ZNF280D: variants seen among roughly 807,000 people sequenced by gnomAD.
The protein encoded by ZNF280D is suppressor of hairy wing homolog 4.
Under a neutral mutation model 94.7 loss-of-function variants are expected in ZNF280D, and 39 were observed. That is an observed-to-expected ratio of 0.41 (90% confidence interval 0.32 to 0.54). The LOEUF (loss-of-function observed/expected upper bound fraction) is 0.54, where lower values mean the gene tolerates loss of function less well. Among genes scored for constraint, ZNF280D ranks in the 20% least tolerant of loss-of-function variants. ZNF280D has a pLI of 0.22. For missense variants in ZNF280D, 1,090 were observed against 1,149.3 expected, an observed-to-expected ratio of 0.95 and a Z score of 0.75; for synonymous variants, 398 against 377.6, an observed-to-expected ratio of 1.05 and a Z score of -0.63.
chr15:56,643,836 TA>T (rs1271796335), intron 19 of ZNF280D, among the ~76,000 whole-genome samples: 8 of 151,874 alleles, frequency 5.3e-5, no homozygotes, highest in Non-Finnish European at 8.9e-5. Flanking sequence ...TTAATAGCTA[TA>T]CCTAAGGAAT....
At chr15:56,642,881 A>C in intron 20 of ZNF280D, 71 bp downstream of exon 20, 1 of 1,198,106 alleles carries the variant, frequency 8.3e-7, no homozygotes. Context: ...AATTGAAAAA[A>C]AATTTTATAT....
intron 1 of ZNF280D, among the ~76,000 whole-genome samples, chr15:56,727,257 C>T (rs751583900): frequency 1.2e-4 from 18 of 150,956 alleles, no homozygotes; most frequent in Non-Finnish European, 2.1e-4. Flanking sequence ...GTCAGGAGTT[C>T]GAGACCAGCC....
intron 1 of ZNF280D, among the ~76,000 whole-genome samples, chr15:56,726,274 G>C (rs1456142343): frequency 6.6e-6 from 1 of 151,842 alleles, no homozygotes; most frequent in Non-Finnish European, 1.5e-5. Context: ...GTATTGGAGA[G>C]GGGTGGAACT....
chr15:56,687,177 A>T (rs1266769655), intron 9 of ZNF280D, among the ~76,000 whole-genome samples: 3 of 152,136 alleles, frequency 2.0e-5, no homozygotes, highest in Non-Finnish European at 4.4e-5. Context: ...TATGATATAA[A>T]CACATACACT....
At chr15:56,653,509 G>C in intron 19 of ZNF280D, 2 of 1,518,368 alleles carry the variant, frequency 1.3e-6, no homozygotes, top group Non-Finnish European at 1.8e-6. Flanking sequence ...TCCTTGGAAA[G>C]AGAGAACAGG....
intron 1 of ZNF280D, among the ~76,000 whole-genome samples, chr15:56,708,364 T>C (rs1300289145): frequency 6.6e-6 from 1 of 152,192 alleles, no homozygotes; most frequent in Non-Finnish European, 1.5e-5. Flanking sequence ...AACTCAATTT[T>C]TGAATAGCTG....
chr15:56,724,767 A>G (rs954224392), intron 1 of ZNF280D: 2 of 316,616 alleles, frequency 6.3e-6, no homozygotes, highest in Non-Finnish European at 1.3e-5. Context: ...GAATAGAAAG[A>G]CATCTGTTGT....
chr15:56,727,459 CAA>C (rs2058682104), intron 1 of ZNF280D, among the ~76,000 whole-genome samples: 1 of 151,494 alleles, frequency 6.6e-6, no homozygotes, highest in Non-Finnish European at 1.5e-5. Context: ...GACACGGTCT[CAA>C]AAAGAAAAAA....
intron 16 of ZNF280D, among the ~76,000 whole-genome samples, chr15:56,663,219 G>C (rs1348433135): frequency 1.3e-5 from 2 of 149,510 alleles, no homozygotes; most frequent in Non-Finnish European, 3.0e-5. Flanking sequence ...AGAAGGTTGA[G>C]GCTGTAGTGA....
At chr15:56,641,455 CTTTAA>C (rs771833002) in intron 20 of ZNF280D, among the ~76,000 whole-genome samples, 7 of 151,920 alleles carry the variant, frequency 4.6e-5, no homozygotes, top group Admixed American at 2.0e-4. Context: ...TGATAATCAT[CTTTAA>C]TTTGTGTGCA....
chr15:56,688,181 T>C (rs2056160832), intron 9 of ZNF280D, among the ~76,000 whole-genome samples: 1 of 152,062 alleles, frequency 6.6e-6, no homozygotes, highest in Admixed American at 6.6e-5. Flanking sequence ...ACTTTGAACA[T>C]TTCTTAAAAC....
chr15:56,726,212 T>TA (rs34490275), intron 1 of ZNF280D, among the ~76,000 whole-genome samples: 78,867 of 147,686 alleles, frequency 0.53, 21,165 homozygotes, highest in East Asian at 0.61. Flanking sequence ...TACAACAGGC[T>TA]AAAAAAAAAA....
Position 56,682,486 on chromosome 15 carries a change from GAA to G in ZNF280D, c.781-11_781-10del, listed in dbSNP as rs760502258. ...ATGTCTGGACAACAATACTGAAAGA[GAA>G]AAAAAAAAAAAAAAAACAAGCCTTA... is the stretch of plus-strand genomic sequence containing the variant. On this transcript the variant is annotated splice_polypyrimidine_tract_variant and intron_variant, in intron 9 of 21. Transcript: ENST00000267807. The G allele has an allele frequency of 0.016, 8,065 of 494,888 alleles. No homozygotes were observed. The highest frequency in any genetic ancestry group is 0.019 in the East Asian group (414 of 21,758). 30.7% of individuals were successfully genotyped at this position (494,888 alleles called of 1,614,324 possible). A position where few individuals can be genotyped will look rare whatever the true frequency, so the allele number is the denominator to read the frequency against.
Position 56,704,116 on chromosome 15 carries a change from C to T in ZNF280D, c.175+5G>A. On this transcript the variant is annotated splice_donor_5th_base_variant and intron_variant, in intron 4 of 21. Transcript: ENST00000267807. ...AGCTTGGTTTCACTAAAAGTAAATG[C>T]TTACTTGAAATTGCTGGTTTTGAAC... The T allele has an allele frequency of 6.2e-7, 1 of 1,613,156 alleles. No homozygotes were observed. Among genetic ancestry groups the T allele is most frequent in the Non-Finnish European group, 8.5e-7 (1 of 1,179,738 alleles).
chr15:56,683,162 T>A (rs2055752037), intron 9 of ZNF280D, among the ~76,000 whole-genome samples: 1 of 152,138 alleles, frequency 6.6e-6, no homozygotes, highest in Non-Finnish European at 1.5e-5. Context: ...ACATATAAAC[T>A]TTGTTCACAG....
At chr15:56,733,379 G>C in intron 1 of ZNF280D, 79 bp downstream of exon 1, 1 of 858,678 alleles carries the variant, frequency 1.2e-6, no homozygotes, top group Non-Finnish European at 1.4e-6. Context: ...CAGCGCCCCC[G>C]GAGTGAGGCG....
intron 13 of ZNF280D, among the ~76,000 whole-genome samples, chr15:56,675,227 A>G (rs1440217057): frequency 6.6e-6 from 1 of 151,998 alleles, no homozygotes; most frequent in African/African-American, 2.4e-5. Context: ...CATAGTTACT[A>G]TTCTTCCCAC....
intron 1 of ZNF280D, among the ~76,000 whole-genome samples, chr15:56,726,846 T>C (rs1306586348): frequency 1.3e-5 from 2 of 152,212 alleles, no homozygotes; most frequent in Non-Finnish European, 2.9e-5. Context: ...TTTGGTTCAG[T>C]ATCTCATGGC....
At chr15:56,692,119 A>G (rs2056457052) in intron 7 of ZNF280D, among the ~76,000 whole-genome samples, 1 of 152,132 alleles carries the variant, frequency 6.6e-6, no homozygotes, top group African/African-American at 2.4e-5. Context: ...GAATAAATCT[A>G]CATGCTTTAT....
Sources: allele counts gnomAD v4.1 joint callset (sites outside exome capture counted in the v4.1 genomes callset), GRCh38; gene constraint gnomAD v4.1.1; transcripts MANE v1.5; gene names NCBI Gene and HGNC (gene_info 2026-07-23, HGNC 2026-07-21).